The following CHD7 variants were observed in gnomAD, a reference collection of about 807,000 sequenced individuals.
CHD7 encodes ATP-dependent chromatin remodeler CHD7.
In CHD7, 24 loss-of-function variants were observed where a neutral mutation model predicts 307.3. The ratio of observed to expected loss-of-function variants is 0.08; its 90% CI spans 0.06 to 0.11. The LOEUF (loss-of-function observed/expected upper bound fraction) is 0.11. CHD7 is among the 10% of genes least tolerant of loss of function. CHD7 has a pLI of 1.00. For missense variants in CHD7, 3,106 were observed against 3,727.1 expected (o/e 0.83, Z 4.34); for synonymous variants, 1,363 against 1,349.9 (o/e 1.01, Z -0.21).
Position 60,700,047 on chromosome 8 carries a change from A to G in CHD7, c.-175+20965A>G, listed in dbSNP as rs186265185. 1.7e-3 allele frequency among the ~76,000 whole-genome samples: 263 copies of G among 152,096 alleles called. 1 individual carries two copies. Among genetic ancestry groups the G allele is most frequent in the African/African-American group, 5.9e-3 (244 of 41,486 alleles). On this transcript the variant is annotated intron_variant, in intron 1 of 37. Transcript: ENST00000423902. The stretch of plus-strand genomic sequence containing the variant: ...GTTTCTCCATGTTGGTTTGGCTGCT[A>G]GGCTGCTCTCGAACTCCCGACCTCA...
intron 32 of CHD7, among the ~76,000 whole-genome samples, chr8:60,855,393 AT>A (rs1805654721): frequency 6.6e-6 from 1 of 152,222 alleles, no homozygotes; most frequent in African/African-American, 2.4e-5. Flanking sequence ...GTAATTAGAA[AT>A]TTTTAATGTA....
rs761229966 is a variant in CHD7, at chr8:60,865,591, C to G, written c.8652C>G (p.Pro2884=). 1.9e-6 allele frequency: 3 copies of G among 1,613,894 alleles called. No homozygotes were observed. The highest frequency in any genetic ancestry group is 2.2e-5 in the East Asian group (1 of 44,898). Residue 2884 remains proline (P), a synonymous_variant, in exon 38 of 38, where the codon CCC becomes CCG. Transcript: ENST00000423902. The surrounding 1 kb of genome is among the most constrained non-coding windows in gnomAD (Gnocchi z 4.3). ...CTGCTACTGCCCCGGCTGGATTGCC[C>G]TCAAACCCGCTAGCCTTCAACCCTT... is the stretch of plus-strand genomic sequence containing the variant. ...VGAATAPAGL[P]SNPLAFNPFL... is the part of the protein sequence containing the mutation.
intron 13 of CHD7, among the ~76,000 whole-genome samples, chr8:60,827,256 AAAAAAG>A (rs1286331033): frequency 2.0e-5 from 3 of 152,116 alleles, no homozygotes; most frequent in African/African-American, 7.2e-5. Context: ...AATAAAAAAA[AAAAAAG>A]AAAGGAGTTC....
At chr8:60,816,113 G>GTCTGTCTCTCTCTCTCTCTCTCTCTCTC (rs58405811) in intron 7 of CHD7, among the ~76,000 whole-genome samples, 1 of 139,236 alleles carries the variant, frequency 7.2e-6, no homozygotes, top group African/African-American at 2.9e-5. Flanking sequence ...CTGTCTGTCT[G>GTCTGTCTCTCTCTCTCTCTCTCTCTCTC]TCTCTCTCTC....
chr8:60,854,224 C>CGCA lies in CHD7; in HGVS notation c.6776-139_6776-138insGCA, dbSNP rs1417196281. The CGCA allele has an allele frequency of 9.0e-6, 6 of 664,082 alleles. No individual in the cohort carries two copies. The African/African-American group carries it at 1.1e-4, about 12-fold the overall frequency. The allele number at this position is 664,082 out of a possible 1,614,324, so 41.1% of individuals were successfully genotyped here. A position where few individuals can be genotyped will look rare whatever the true frequency, so the allele number is the denominator to read the frequency against. ...CTGTTGTAAGCTTTAGACAACAGTG[C>CGCA]CCAATACCATTCTAGCCATGTAGTA... On this transcript the variant is annotated intron_variant, in intron 31 of 37. Coordinates refer to ENST00000423902, the MANE Select transcript of CHD7 (RefSeq NM_017780.4).
chr8:60,712,443 A>G (rs138688922), intron 1 of CHD7, among the ~76,000 whole-genome samples: 45 of 152,310 alleles, frequency 3.0e-4, no homozygotes, highest in African/African-American at 9.9e-4. Flanking sequence ...CCTTTCTAAC[A>G]TGTAAAAGTA....
chr8:60,818,393 C>G (rs1586383082), intron 8 of CHD7, among the ~76,000 whole-genome samples: 1 of 152,210 alleles, frequency 6.6e-6, no homozygotes, highest in South Asian at 2.1e-4. Flanking sequence ...TAATTCAGCA[C>G]TGACTGTGAA....
chr8:60,824,068 C>A (rs1804163228), intron 13 of CHD7, 52 bp downstream of exon 13: 6 of 1,495,376 alleles, frequency 4.0e-6, no homozygotes, highest in Admixed American at 1.8e-5. Context: ...TTGTTGCTGA[C>A]TTGATAGTCC....
chr8:60,762,063 A>C (rs1029912440), intron 2 of CHD7, among the ~76,000 whole-genome samples: 1 of 151,968 alleles, frequency 6.6e-6, no homozygotes, highest in African/African-American at 2.4e-5. Context: ...CACATTTTTA[A>C]CCAGTCCTTC....
intron 1 of CHD7, among the ~76,000 whole-genome samples, chr8:60,719,905 T>G (rs1433413203): frequency 6.6e-6 from 1 of 152,228 alleles, no homozygotes; most frequent in East Asian, 1.9e-4. Context: ...ATTATTTTTC[T>G]AACATCTGGC....
intron 2 of CHD7, among the ~76,000 whole-genome samples, chr8:60,779,570 G>T (rs1454530479): frequency 6.6e-6 from 1 of 152,174 alleles, no homozygotes; most frequent in Non-Finnish European, 1.5e-5. Context: ...AACCTAGCTT[G>T]GTGCATGGCA....
At chr8:60,693,074 G>T (rs1287163571) in intron 1 of CHD7, among the ~76,000 whole-genome samples, 1 of 152,220 alleles carries the variant, frequency 6.6e-6, no homozygotes, top group Non-Finnish European at 1.5e-5. Flanking sequence ...CTGCAAGTCT[G>T]CGCTGGTGGT....
chr8:60,858,799 G>A (rs901473174), intron 34 of CHD7, among the ~76,000 whole-genome samples: 9 of 152,002 alleles, frequency 5.9e-5, no homozygotes, highest in African/African-American at 1.7e-4. Context: ...TGGTGGGGAC[G>A]GGGTTTCACC....
At chr8:60,826,914 A>G (rs1056535328) in intron 13 of CHD7, among the ~76,000 whole-genome samples, 1 of 152,230 alleles carries the variant, frequency 6.6e-6, no homozygotes, top group Non-Finnish European at 1.5e-5. Flanking sequence ...TGTCAAGGCA[A>G]AAGCACATCT....
At chr8:60,768,338 G>C (rs1476488726) in intron 2 of CHD7, among the ~76,000 whole-genome samples, 1 of 152,170 alleles carries the variant, frequency 6.6e-6, no homozygotes, top group Non-Finnish European at 1.5e-5. Flanking sequence ...GGCATCTTGA[G>C]TTGTTTTCCC....
intron 1 of CHD7, among the ~76,000 whole-genome samples, chr8:60,736,883 A>T (rs946289391): frequency 1.2e-4 from 19 of 152,224 alleles, no homozygotes; most frequent in Non-Finnish European, 2.5e-4. Context: ...GTTCTGCGTC[A>T]CTACAAAATT....
At chr8:60,750,151 A>G (rs897123158) in intron 2 of CHD7, among the ~76,000 whole-genome samples, 5 of 152,242 alleles carry the variant, frequency 3.3e-5, no homozygotes, top group Non-Finnish European at 7.3e-5. Context: ...TTTGTAGGTG[A>G]TAAGAATTTA....
In CHD7 at chr8:60,852,284, C is replaced by T. The variant is rs573245767; in HGVS notation, c.5894+37C>T. On this transcript the variant is annotated intron_variant, in intron 29 of 37. Transcript: ENST00000423902. ...CAAGGTTTCCACTCAGCTCCCGGTA[C>T]ATGCCCCTCTGCCCTGCTCCTGTAG... 27 of 1,565,266 alleles carry T rather than the reference C, an allele frequency of 1.7e-5. No homozygotes were observed. The South Asian group carries it at 2.4e-4, about 14-fold the overall frequency.
At chr8:60,763,975 TAGTTC>T (rs1810348119) in intron 2 of CHD7, among the ~76,000 whole-genome samples, 1 of 152,050 alleles carries the variant, frequency 6.6e-6, no homozygotes, top group Non-Finnish European at 1.5e-5. Flanking sequence ...GTGACTGAAA[TAGTTC>T]TTTCTTTTGT....
Sources: gnomAD v4.1 joint callset for allele counts (sites outside exome capture counted in the v4.1 genomes callset) on GRCh38, gnomAD v4.1.1 for gene constraint, Gnocchi (gnomAD v3.1) non-coding constraint, MANE v1.5 for transcripts, NCBI Gene and HGNC (gene_info 2026-07-23, HGNC 2026-07-21) for gene names.